The following CLASP1 variants were observed in gnomAD, a reference collection of about 807,000 sequenced individuals.
CLASP1 encodes cytoplasmic linker associated protein 1, also known as CLIP-associating protein 1.
CLASP1 carries 38 observed loss-of-function variants against 192.3 expected under a neutral mutation model. The observed-to-expected ratio is 0.20, with a 90% confidence interval of 0.15 to 0.26. The LOEUF is 0.26. CLASP1 is among the 10% of genes least tolerant of loss of function. CLASP1 has a pLI of 1.00. For missense variants in CLASP1, 1,433 were observed against 1,932.5 expected, an observed-to-expected ratio of 0.74 and a Z score of 4.85; for synonymous variants, 691 against 712.8, an observed-to-expected ratio of 0.97 and a Z score of 0.49.
chr2:121,575,185 C>T (rs2060387026), intron 2 of CLASP1, among the ~76,000 whole-genome samples: 1 of 152,004 alleles, frequency 6.6e-6, no homozygotes, highest in African/African-American at 2.4e-5. Flanking sequence ...GATCTCGGCT[C>T]ACTGCAACCT....
chr2:121,412,225 T>A (rs993434968), intron 23 of CLASP1, among the ~76,000 whole-genome samples: 7 of 152,192 alleles, frequency 4.6e-5, no homozygotes, highest in African/African-American at 1.4e-4. Flanking sequence ...ACACTGCTAA[T>A]CAATAGTTAT....
At chr2:121,452,906 A>G (rs568400137) in intron 14 of CLASP1, among the ~76,000 whole-genome samples, 2 of 152,384 alleles carry the variant, frequency 1.3e-5, no homozygotes, top group East Asian at 3.9e-4. Flanking sequence ...CGCACAAATC[A>G]GAAGTAAAAT....
intron 9 of CLASP1, 56 bp from the exon 10 acceptor site, chr2:121,462,661 A>T (rs1008857669): frequency 2.0e-6 from 2 of 990,070 alleles, no homozygotes; most frequent in Non-Finnish European, 3.1e-6. Flanking sequence ...TATAACACAT[A>T]CACTGAAGAA....
At chr2:121,499,915 T>C (rs2093675366) in intron 8 of CLASP1, among the ~76,000 whole-genome samples, 1 of 152,144 alleles carries the variant, frequency 6.6e-6, no homozygotes, top group Admixed American at 6.5e-5. Context: ...ACTTAGCACC[T>C]AGGATAGGAA....
rs1166388129 is a variant in CLASP1 at position 121,387,746 on chromosome 2, G to A, written c.3267+17C>T. 1.2e-6 allele frequency: 2 copies of A among 1,613,526 alleles called. No individual in the cohort carries two copies. Among genetic ancestry groups the A allele is most frequent in the African/African-American group, 1.3e-5 (1 of 74,898 alleles). The stretch of plus-strand genomic sequence containing the variant: ...CATGGACATCACATAGGCACCAATC[G>A]TGACCAAAGCACTCACCACACTGGT... On this transcript the variant is annotated intron_variant, in intron 31 of 39. Transcript: ENST00000263710.
chr2:121,452,872 T>C (rs910106087), intron 14 of CLASP1, among the ~76,000 whole-genome samples: 2 of 152,238 alleles, frequency 1.3e-5, no homozygotes, highest in African/African-American at 4.8e-5. Context: ...TAAATCCTAA[T>C]AGTCCTAGGA....
chr2:121,448,193 C>T (rs2084730573), intron 18 of CLASP1, 83 bp downstream of exon 18: 2 of 1,245,918 alleles, frequency 1.6e-6, no homozygotes, highest in Non-Finnish European at 2.4e-6. Context: ...CCGTTGGCCT[C>T]CTGTGCCTGG....
chr2:121,389,260 C>A (rs1280429656), intron 30 of CLASP1, among the ~76,000 whole-genome samples: 1 of 151,948 alleles, frequency 6.6e-6, no homozygotes, highest in Non-Finnish European at 1.5e-5. Context: ...AATAAGTGGT[C>A]ATAATATTTT....
exon 6 of CLASP1, chr2:121,525,861 C>A (rs932117737): frequency 6.2e-7 from 1 of 1,613,154 alleles, no homozygotes; most frequent in African/African-American, 1.3e-5. Flanking sequence ...GTTTGGATCT[C>A]CAAGTAAGTT....
rs575401801 is a variant in CLASP1, at chr2:121,611,842, G to A, written c.-285-5662C>T. Among the ~76,000 whole-genome samples the A allele has an allele frequency of 1.4e-4, 21 of 151,150 alleles. No individual in the cohort carries two copies. The South Asian group carries it at 4.2e-3, about 30-fold the overall frequency. On this transcript the variant is annotated intron_variant, in intron 1 of 39. Coordinates refer to ENST00000263710, the Ensembl canonical transcript of CLASP1. ...ACAGGAGGAAGAGGAACTGGAGGAG[G>A]AGGCATTGGAGGAGTTACAGGATAA...
At chr2:121,397,668 G>A (rs543891356) in intron 29 of CLASP1, among the ~76,000 whole-genome samples, 16 of 152,286 alleles carry the variant, frequency 1.1e-4, no homozygotes, top group African/African-American at 2.6e-4. Flanking sequence ...GCCATGTTCT[G>A]TAAGGCAGCA....
At chr2:121,602,435 T>C (rs978256915) in intron 2 of CLASP1, among the ~76,000 whole-genome samples, 3 of 152,150 alleles carry the variant, frequency 2.0e-5, no homozygotes, top group African/African-American at 7.2e-5. Context: ...AATGACATTC[T>C]TCACAGAAAT....
intron 20 of CLASP1, 105 bp from the exon 21 acceptor site, chr2:121,427,535 A>G: frequency 8.5e-7 from 1 of 1,176,476 alleles, no homozygotes; most frequent in East Asian, 2.5e-5. Flanking sequence ...CTTTGTTCAC[A>G]AATACATTAG....
intron 8 of CLASP1, among the ~76,000 whole-genome samples, chr2:121,502,619 C>T (rs756115292): frequency 1.3e-5 from 2 of 152,136 alleles, no homozygotes; most frequent in Non-Finnish European, 2.9e-5. Context: ...TCACAAAGAA[C>T]GATTCAAATG....
In CLASP1 at chr2:121,510,310, C is replaced by T. The variant is rs1475908702; in HGVS notation, c.644+5355G>A. On this transcript the variant is annotated intron_variant, in intron 7 of 39. Coordinates refer to ENST00000263710, the Ensembl canonical transcript of CLASP1. ...ACTGACAAACCTTAACTAGACTGAC[C>T]AGAAGAGCAAAGGCTCAAATTAATG... 2.0e-5 allele frequency among the ~76,000 whole-genome samples: 3 copies of T among 152,052 alleles called. No homozygotes were observed. The East Asian group carries it at 5.8e-4, about 29-fold the overall frequency.
chr2:121,630,632 G>T (rs919568122), intron 1 of CLASP1, among the ~76,000 whole-genome samples: 5 of 151,990 alleles, frequency 3.3e-5, no homozygotes, highest in Admixed American at 3.3e-4. Context: ...GGGAGGCCAA[G>T]GTGGGTGGAT....
At chr2:121,466,819 C>T (rs1261641757) in intron 9 of CLASP1, among the ~76,000 whole-genome samples, 1 of 152,134 alleles carries the variant, frequency 6.6e-6, no homozygotes, top group East Asian at 1.9e-4. Context: ...TATTTTTATT[C>T]CCAACTTTTA....
intron 9 of CLASP1, among the ~76,000 whole-genome samples, chr2:121,465,707 C>T (rs373890470): frequency 3.3e-5 from 5 of 152,106 alleles, no homozygotes; most frequent in Admixed American, 6.5e-5. Flanking sequence ...GAGCCCGCAT[C>T]GCCAAGTCAA....
chr2:121,442,065 C>T (rs1402587700), intron 19 of CLASP1, among the ~76,000 whole-genome samples: 1 of 152,138 alleles, frequency 6.6e-6, no homozygotes, highest in African/African-American at 2.4e-5. Flanking sequence ...TGGTTGTCAG[C>T]CCCACAGGCC....
Sources: gnomAD v4.1 joint callset for allele counts (sites outside exome capture counted in the v4.1 genomes callset) on GRCh38, gnomAD v4.1.1 for gene constraint, MANE v1.5 for transcripts, NCBI Gene and HGNC (gene_info 2026-07-23, HGNC 2026-07-21) for gene names.